Variants in CEP83 observed in about 807,000 individuals in gnomAD.
CEP83 encodes centrosomal protein 83, also known as centrosomal protein of 83 kDa.
CEP83 carries 70 observed loss-of-function variants against 101.9 expected under a neutral mutation model. The ratio of observed to expected loss-of-function variants is 0.69; its 90% confidence interval spans 0.57 to 0.84. The LOEUF is 0.84. Ranked by LOEUF, CEP83 falls within the 40% of genes least tolerant of loss-of-function variation. The pLI is 0.00. For missense variants in CEP83, 715 were observed against 787.2 expected, an observed-to-expected ratio of 0.91 and a Z score of 1.10; for synonymous variants, 264 against 267.9, an observed-to-expected ratio of 0.99 and a Z score of 0.14.
At chr12:94,323,306 T>C (rs1319034876) in intron 14 of CEP83, among the ~76,000 whole-genome samples, 4 of 152,090 alleles carry the variant, frequency 2.6e-5, no homozygotes, top group African/African-American at 9.7e-5. Flanking sequence ...AGCGGCTGCA[T>C]TGCTGAGACT....
intron 11 of CEP83, among the ~76,000 whole-genome samples, chr12:94,347,019 C>A (rs1029843257): frequency 6.7e-6 from 1 of 148,254 alleles, no homozygotes; most frequent in Admixed American, 6.8e-5. Flanking sequence ...GCCTGGGCAA[C>A]AGAGCAAGAT....
At chr12:94,336,944 T>C (rs902973309) in intron 11 of CEP83, among the ~76,000 whole-genome samples, 6 of 152,142 alleles carry the variant, frequency 3.9e-5, no homozygotes, top group Non-Finnish European at 8.8e-5. Flanking sequence ...GGTGGCTAAC[T>C]TGGGGCTTTT....
At chr12:94,453,240 C>T (rs2067390480) in intron 1 of CEP83, among the ~76,000 whole-genome samples, 1 of 152,206 alleles carries the variant, frequency 6.6e-6, no homozygotes, top group African/African-American at 2.4e-5. Context: ...GGAACCTCAT[C>T]TATACCTGGT....
downstream of CEP83, among the ~76,000 whole-genome samples, chr12:94,302,282 C>T (rs150656947): frequency 4.0e-3 from 611 of 152,310 alleles, 3 homozygotes; most frequent in Non-Finnish European, 6.6e-3. Flanking sequence ...AAGTTCACAC[C>T]ATGAACTTGT....
At chr12:94,365,151 T>A (rs898972558) in intron 11 of CEP83, among the ~76,000 whole-genome samples, 2 of 151,982 alleles carry the variant, frequency 1.3e-5, no homozygotes, top group Non-Finnish European at 2.9e-5. Flanking sequence ...TAAAAAAAAT[T>A]TTTAAGCAAG....
At chr12:94,424,897 AT>A in intron 2 of CEP83, 1 of 1,599,860 alleles carries the variant, frequency 6.3e-7, no homozygotes, top group South Asian at 1.1e-5. Context: ...CCAATGACAC[AT>A]ATGGCTTCTT....
At chr12:94,444,393 C>T (rs567416375) in intron 1 of CEP83, among the ~76,000 whole-genome samples, 1 of 151,892 alleles carries the variant, frequency 6.6e-6, no homozygotes, top group Admixed American at 6.5e-5. Flanking sequence ...AACAAAACTC[C>T]AACTCCGAAA....
chr12:94,350,646 T>C (rs955370086), intron 11 of CEP83, among the ~76,000 whole-genome samples: 2 of 151,772 alleles, frequency 1.3e-5, no homozygotes, highest in African/African-American at 2.4e-5. Context: ...ATGAACTCCA[T>C]GAAAATAAAT....
At chr12:94,428,069 C>T (rs1442076290) in intron 2 of CEP83, among the ~76,000 whole-genome samples, 3 of 152,204 alleles carry the variant, frequency 2.0e-5, no homozygotes, top group African/African-American at 4.8e-5. Context: ...AATCAACCAC[C>T]AAGCACTCTA....
chr12:94,329,647 T>A (rs1011369886), intron 14 of CEP83, among the ~76,000 whole-genome samples: 5 of 152,230 alleles, frequency 3.3e-5, no homozygotes, highest in Non-Finnish European at 7.3e-5. Context: ...GCTCTTAAAA[T>A]TTCTTGCTGT....
chr12:94,456,539 G>A (rs1013544732), intron 1 of CEP83, among the ~76,000 whole-genome samples: 11 of 152,132 alleles, frequency 7.2e-5, no homozygotes, highest in South Asian at 4.1e-4. Flanking sequence ...CTGGAGAGGC[G>A]TCAGAAAACT....
At chr12:94,446,817 T>G (rs1002384794) in intron 1 of CEP83, among the ~76,000 whole-genome samples, 1 of 152,174 alleles carries the variant, frequency 6.6e-6, no homozygotes, top group African/African-American at 2.4e-5. Flanking sequence ...AAAAGAAGTT[T>G]TGAAGAAATA....
In CEP83 at chr12:94,392,786, A is replaced by G. The variant is rs190294311; in HGVS notation, c.549+8064T>C. On this transcript the variant is annotated intron_variant, in intron 6 of 16. Transcript: ENST00000397809. ...CAAATAGATACAATAAAAAATGATA[A>G]AGGGGATATCGCCACCGATCCCACA... is the stretch of plus-strand genomic sequence containing the variant. 2.5e-4 allele frequency among the ~76,000 whole-genome samples: 38 copies of G among 152,320 alleles called. 2 individuals carry two copies. Among genetic ancestry groups the G allele is most frequent in the Admixed American group, 2.4e-3 (37 of 15,302 alleles).
At chr12:94,377,486 T>C (rs1043418259) in intron 7 of CEP83, among the ~76,000 whole-genome samples, 41 of 152,144 alleles carry the variant, frequency 2.7e-4, no homozygotes, top group African/African-American at 8.9e-4. Flanking sequence ...CTAGCTTAAA[T>C]GTGGTAAGGA....
chr12:94,279,740 C>T, the CEP83 span: 1 of 1,098,114 alleles, frequency 9.1e-7, no homozygotes, highest in South Asian at 1.3e-5. Context: ...CCTGCCCCCA[C>T]CAGCTTCCAT....
At chr12:94,383,563 G>A (rs1351148742) in intron 6 of CEP83, among the ~76,000 whole-genome samples, 1 of 149,954 alleles carries the variant, frequency 6.7e-6, no homozygotes, top group African/African-American at 2.5e-5. Flanking sequence ...GGGACTGTCA[G>A]TACAGTTAGG....
chr12:94,455,365 C>T (rs1291825717), intron 1 of CEP83, among the ~76,000 whole-genome samples: 1 of 152,150 alleles, frequency 6.6e-6, no homozygotes, highest in Non-Finnish European at 1.5e-5. Context: ...CTACTGTTTT[C>T]AAGGGTTGCT....
At chr12:94,276,768 T>C in the CEP83 span, among the ~76,000 whole-genome samples, 140 of 152,320 alleles carry the variant, frequency 9.2e-4, 1 homozygote, top group East Asian at 4.8e-3. Flanking sequence ...CTGCCTTCTC[T>C]CCTGTCTGGT....
intron 8 of CEP83, among the ~76,000 whole-genome samples, chr12:94,375,363 C>A (rs896843688): frequency 1.3e-5 from 2 of 152,084 alleles, no homozygotes; most frequent in African/African-American, 4.8e-5. Flanking sequence ...CAAACTCAGA[C>A]AAGTGCAGAA....
Sources: allele counts gnomAD v4.1 joint callset (sites outside exome capture counted in the v4.1 genomes callset), GRCh38; gene constraint gnomAD v4.1.1; transcripts MANE v1.5; gene names NCBI Gene and HGNC (gene_info 2026-07-23, HGNC 2026-07-21).